Variants in SPDYE1 observed in about 807,000 individuals in gnomAD.
The protein encoded by SPDYE1 is speedy protein E1.
In SPDYE1, 29 loss-of-function variants were observed where a neutral mutation model predicts 45.9. That is an observed-to-expected ratio of 0.63 (90% CI 0.47 to 0.86). SPDYE1 has a LOEUF of 0.86. SPDYE1 is among the 40% of genes least tolerant of loss of function. The probability of loss-of-function intolerance (pLI) is 0.00; values close to 1 mark genes in which losing one functional copy is unlikely to be tolerated. For missense variants in SPDYE1, 346 were observed against 481.4 expected (o/e 0.72, Z 2.63); for synonymous variants, 134 against 176.8 (o/e 0.76, Z 1.92).
At chr7:44,005,985 A>AG (rs2096070721) in intron 6 of SPDYE1, among the ~76,000 whole-genome samples, 1 of 152,090 alleles carries the variant, frequency 6.6e-6, no homozygotes, top group African/African-American at 2.4e-5. Flanking sequence ...TCCCCAAGCC[A>AG]GGGGGCTTCC....
chr7:44,005,123 G>A lies in SPDYE1; in HGVS notation c.667-19G>A. On this transcript the variant is annotated intron_variant, in intron 5 of 8. Coordinates refer to ENST00000693451, the MANE Select transcript of SPDYE1 (RefSeq NM_001378423.2). ...CAAGATGTGACCTCTCCCTCTCTGT[G>A]TTCCTTTCTCTCCATCAGTATCTCC... 2 of 1,611,344 alleles carry A rather than the reference G, an allele frequency of 1.2e-6. No homozygotes were observed. Among genetic ancestry groups the A allele is most frequent in the East Asian group, 2.2e-5 (1 of 44,852 alleles).
chr7:44,000,240 G>A (rs989748043), intron 2 of SPDYE1, 131 bp downstream of exon 2: 1 of 976,704 alleles, frequency 1.0e-6, no homozygotes, highest in Admixed American at 6.2e-5. Context: ...CTGAGGTCAG[G>A]AGTTCAAGGC....
chr7:43,999,196 T>C (rs2096059283), intron 1 of SPDYE1, among the ~76,000 whole-genome samples: 1 of 152,166 alleles, frequency 6.6e-6, no homozygotes, highest in African/African-American at 2.4e-5. Context: ...CCATTGGAAA[T>C]ATGTGTGAGC....
chr7:44,006,860 TG>T (rs1401388513), intron 6 of SPDYE1, among the ~76,000 whole-genome samples: 1 of 152,256 alleles, frequency 6.6e-6, no homozygotes, highest in Non-Finnish European at 1.5e-5. Flanking sequence ...GCGATCCACC[TG>T]CTTCAGCCTT....
intron 3 of SPDYE1, 149 bp downstream of exon 3, chr7:44,001,433 A>G: frequency 1.3e-6 from 2 of 1,518,046 alleles, no homozygotes; most frequent in Middle Eastern, 2.3e-4. Flanking sequence ...CTCATGAGGG[A>G]CACTTAGGAG....
chr7:44,002,893 C>A, intron 4 of SPDYE1, 76 bp downstream of exon 4: 2 of 967,478 alleles, frequency 2.1e-6, no homozygotes, highest in Middle Eastern at 3.0e-4. Context: ...CCACACTTTT[C>A]CAATGGGAAA....
intron 6 of SPDYE1, 136 bp downstream of exon 6, chr7:44,005,363 T>C: frequency 1.6e-6 from 2 of 1,288,108 alleles, no homozygotes; most frequent in South Asian, 2.4e-5. Context: ...AGGATTATAC[T>C]ATCATAGACT....
At chr7:43,999,236 C>G (rs2096059326) in intron 1 of SPDYE1, among the ~76,000 whole-genome samples, 1 of 152,100 alleles carries the variant, frequency 6.6e-6, no homozygotes, top group South Asian at 2.1e-4. Flanking sequence ...ATTTTTAGGC[C>G]TCAAAATGTC....
chr7:44,001,060 A>G lies in SPDYE1; in HGVS notation c.161-6A>G, dbSNP rs1392247184. ...CATTACACAGTGGCCTGGTTTCTTT[A>G]CTCAGCCCCTGGGGTAGATCCCAGC... On this transcript the variant is annotated splice_polypyrimidine_tract_variant and splice_region_variant and intron_variant, in intron 2 of 8. Coordinates refer to ENST00000693451, the MANE Select transcript of SPDYE1 (RefSeq NM_001378423.2). 6.3e-7 allele frequency: 1 copy of G among 1,597,286 alleles called. No individual in the cohort carries two copies. The highest frequency in any genetic ancestry group is 1.3e-5 in the African/African-American group (1 of 74,630).
In SPDYE1 at chr7:44,008,648, T is replaced by C. The variant is rs555022146; in HGVS notation, c.*46-19T>C. Reference sequence around the variant, plus strand: ...AGAGCTGCCTCCTTGAAGTGTGACATTGTCTCTCTCCCTTCCAGAACACCG... The same window carrying C: ...AGAGCTGCCTCCTTGAAGTGTGACACTGTCTCTCTCCCTTCCAGAACACCG... On this transcript the variant is annotated intron_variant, in intron 8 of 8. Coordinates refer to ENST00000693451, the MANE Select transcript of SPDYE1 (RefSeq NM_001378423.2). 49 of 1,268,120 alleles carry C rather than the reference T, an allele frequency of 3.9e-5. 1 individual carries two copies. In the South Asian group the frequency reaches 4.1e-4, roughly 11 times the overall value. The allele number at this position is 1,268,120 out of a possible 1,614,324, so 78.6% of individuals were successfully genotyped here. A position where few individuals can be genotyped will look rare whatever the true frequency, so the allele number is the denominator to read the frequency against.
rs756420558 is a variant in SPDYE1, at chr7:44,007,613, A to T, written c.1071+27A>T. On this transcript the variant is annotated intron_variant, in intron 7 of 8. Coordinates refer to ENST00000693451, the MANE Select transcript of SPDYE1 (RefSeq NM_001378423.2). ...TGAGTGGGGCCTGGGGAGGTGGAGG[A>T]GGTGGGGAGGAATTGGGTGGGCTGG... The T allele has an allele frequency of 6.9e-6, 11 of 1,583,170 alleles. No individual in the cohort carries two copies. In the South Asian group the frequency reaches 1.2e-4, roughly 17 times the overall value.
rs777386968 is a variant in SPDYE1 at position 44,007,338 on chromosome 7, A to G, written c.823A>G (p.Lys275Glu). 1.2e-6 allele frequency: 2 copies of G among 1,613,042 alleles called. No homozygotes were observed. Among genetic ancestry groups the G allele is most frequent in the East Asian group, 4.5e-5 (2 of 44,890 alleles). Reference sequence around the variant, plus strand: ...AAACATCTTCCACTTCCTGTATGGGAAGAACCGCTCTCGCATACCCTTGCT... The same window carrying G: ...AAACATCTTCCACTTCCTGTATGGGGAGAACCGCTCTCGCATACCCTTGCT... ...KQNIFHFLYG[K>E]NRSRIPLLRK... Residue 275 changes from lysine (K) to glutamate (E), a missense_variant, in exon 7 of 9, where the codon AAG becomes GAG. Physicochemically the swap from Lys to Glu is moderately conservative, Grantham distance 56. Around this residue, in one of 4 missense-constraint regions of SPDYE1, gnomAD observed 186 missense variants for 219.1 expected, o/e 0.85. Transcript: ENST00000693451.
At position 44,005,183 on chromosome 7, in the gene SPDYE1, C is replaced by T. The variant is rs745825894; in HGVS notation, c.708C>T (p.Gly236=). 26 of 1,611,900 alleles carry T rather than the reference C, an allele frequency of 1.6e-5. No homozygotes were observed. The East Asian group carries it at 4.5e-4, about 28-fold the overall frequency. The change falls in exon 6 of 9, where the codon GGC becomes GGT. Residue 236 remains glycine (G), a synonymous_variant. Coordinates refer to ENST00000693451, the MANE Select transcript of SPDYE1 (RefSeq NM_001378423.2). ...TCATAGCGTATTTCAGCCGAGCCGG[C>T]TTCCCCTCCTGGCAATACCAACGCC... ...AMVIAYFSRA[G]FPSWQYQRLH... is the part of the protein sequence containing the mutation.
At chr7:44,007,060 G>A (rs1242118486) in intron 6 of SPDYE1, 9 of 1,328,546 alleles carry the variant, frequency 6.8e-6, no homozygotes, top group Non-Finnish European at 8.0e-6. Context: ...CACCAGTTGG[G>A]TTTTTGTCTC....
Position 44,002,599 on chromosome 7 carries a change from T to G in SPDYE1, c.389T>G (p.Val130Gly). Residue 130 changes from valine (V) to glycine (G), a missense_variant, in exon 4 of 9, where the codon GTA becomes GGA. Val to Gly is a moderately radical substitution (Grantham distance 109, BLOSUM62 -3). Around this residue, in one of 4 missense-constraint regions of SPDYE1, gnomAD observed 141 missense variants for 176.7 expected, o/e 0.80. Transcript: ENST00000693451. ...TGGTTTCTTTACTCAGCCCCTGGGG[T>G]AGATCCCAGCCCCCCGCATAGGTCC... Reference protein sequence around the residue: ...KDFNSQLAPGVDPSPPHRSFC... With the variant: ...KDFNSQLAPGGDPSPPHRSFC... The G allele has an allele frequency of 6.3e-7, 1 of 1,585,952 alleles. No homozygotes were observed.
intron 3 of SPDYE1, among the ~76,000 whole-genome samples, chr7:44,001,715 T>C (rs1275588690): frequency 6.6e-6 from 1 of 152,032 alleles, no homozygotes; most frequent in East Asian, 1.9e-4. Flanking sequence ...TTTGGGAGGC[T>C]GAGATGGGTG....
At chr7:44,008,141 G>A (rs906361862) in intron 8 of SPDYE1, among the ~76,000 whole-genome samples, 39 of 152,294 alleles carry the variant, frequency 2.6e-4, no homozygotes, top group African/African-American at 8.2e-4. Flanking sequence ...TATGATTGAC[G>A]CACTTGAGTT....
rs1236574989 is a variant in SPDYE1, at chr7:44,007,502, G to A, written c.987G>A (p.Gln329=). Residue 329 remains glutamine (Q), a synonymous_variant, in exon 7 of 9, where the codon CAG becomes CAA. Transcript: ENST00000693451. ...MNPRARKNRS[Q]IVLFQKRRFH... is the part of the protein sequence containing the mutation. ...CGAGGGCCAGGAAGAACCGCTCTCA[G>A]ATAGTCCTGTTCCAGAAACGTCGGT... is the stretch of plus-strand genomic sequence containing the variant. The A allele has an allele frequency of 6.2e-7, 1 of 1,613,782 alleles. No individual in the cohort carries two copies. Among genetic ancestry groups the A allele is most frequent in the East Asian group, 2.2e-5 (1 of 44,866 alleles).
chr7:44,001,561 A>C (rs1193565077), intron 3 of SPDYE1, among the ~76,000 whole-genome samples: 4 of 151,880 alleles, frequency 2.6e-5, no homozygotes, highest in Non-Finnish European at 5.9e-5. Context: ...GGCTGAGGCA[A>C]GAGGACTGCT....
Sources: gnomAD v4.1 joint callset for allele counts (sites outside exome capture counted in the v4.1 genomes callset) on GRCh38, gnomAD v4.1.1 for gene constraint, gnomAD v4.1.1 regional missense constraint, MANE v1.5 for transcripts, NCBI Gene and HGNC (gene_info 2026-07-23, HGNC 2026-07-21) for gene names.